Variants in PCED1B observed in about 807,000 individuals in gnomAD.
PCED1B encodes PC-esterase domain containing 1B.
For synonymous variants in PCED1B, 251 were observed against 246.1 expected (o/e 1.02, Z -0.19); for missense variants, 573 against 573.9 (o/e 1.00, Z 0.02).
chr12:47,188,561 C>T (rs138122610), intron 2 of PCED1B, among the ~76,000 whole-genome samples: 4 of 152,282 alleles, frequency 2.6e-5, no homozygotes, highest in African/African-American at 9.6e-5. Flanking sequence ...AGTTTCAGGA[C>T]GATACTGCTT....
chr12:47,231,243 G>A (rs1010648380), intron 3 of PCED1B, among the ~76,000 whole-genome samples: 1 of 152,138 alleles, frequency 6.6e-6, no homozygotes, highest in Non-Finnish European at 1.5e-5. Context: ...TGTACATGGG[G>A]ACCCTCATAA....
At chr12:47,082,296 G>A (rs1937770352) in intron 1 of PCED1B, among the ~76,000 whole-genome samples, 1 of 152,116 alleles carries the variant, frequency 6.6e-6, no homozygotes, top group South Asian at 2.1e-4. Context: ...TGATGAACAG[G>A]GAACCTATTC....
At chr12:47,079,884 G>T (rs1442756778) in intron 1 of PCED1B, 159 bp downstream of exon 1, 1 of 150,774 alleles carries the variant, frequency 6.6e-6, no homozygotes, top group Non-Finnish European at 1.5e-5. Context: ...CGCGCGCCCG[G>T]GGCCGGGAGA....
At chr12:47,175,327 C>T (rs1031679620) in intron 2 of PCED1B, among the ~76,000 whole-genome samples, 2 of 152,252 alleles carry the variant, frequency 1.3e-5, no homozygotes, top group Admixed American at 6.5e-5. Context: ...CTTTTGGACT[C>T]ATGTTAATTT....
At chr12:47,222,120 A>ATT (rs1565611229) in intron 3 of PCED1B, among the ~76,000 whole-genome samples, 23 of 93,224 alleles carry the variant, frequency 2.5e-4, no homozygotes, top group Non-Finnish European at 3.6e-4. Context: ...AAAAATTAAA[A>ATT]AAAAAAAAAA....
intron 2 of PCED1B, among the ~76,000 whole-genome samples, chr12:47,158,844 G>A (rs963205905): frequency 2.6e-5 from 4 of 152,100 alleles, no homozygotes; most frequent in African/African-American, 4.8e-5. Context: ...ACCCTACTCT[G>A]CTATTGAACA....
intron 2 of PCED1B, among the ~76,000 whole-genome samples, chr12:47,122,703 A>G (rs1322047287): frequency 6.6e-6 from 1 of 152,192 alleles, no homozygotes; most frequent in Non-Finnish European, 1.5e-5. Flanking sequence ...AATCTGGAAA[A>G]TAAGAATTTG....
intron 2 of PCED1B, among the ~76,000 whole-genome samples, chr12:47,113,383 A>G (rs865806658): frequency 7.9e-5 from 12 of 152,188 alleles, no homozygotes; most frequent in Admixed American, 5.2e-4. Context: ...ATTTAGTTCA[A>G]TCTTCACAAC....
chr12:47,197,559 G>A (rs1364406038), intron 2 of PCED1B, among the ~76,000 whole-genome samples: 1 of 151,752 alleles, frequency 6.6e-6, no homozygotes, highest in East Asian at 1.9e-4. Context: ...AGTGAGTCCA[G>A]ATCGCGCCAT....
At chr12:47,174,774 G>A (rs1045402345) in intron 2 of PCED1B, among the ~76,000 whole-genome samples, 1 of 152,208 alleles carries the variant, frequency 6.6e-6, no homozygotes, top group Non-Finnish European at 1.5e-5. Context: ...TAGAGGTTAA[G>A]TGCATAACTC....
chr12:47,178,103 T>A (rs1405272626), intron 2 of PCED1B, among the ~76,000 whole-genome samples: 1 of 152,162 alleles, frequency 6.6e-6, no homozygotes, highest in Non-Finnish European at 1.5e-5. Flanking sequence ...AGGGCCCACA[T>A]GACCAAGAGT....
In PCED1B at chr12:47,184,613, C is replaced by A. The variant is rs188750425; in HGVS notation, c.-525-31609C>A. The stretch of plus-strand genomic sequence containing the variant: ...TTTCTGAAATCTTTTTTCTTCCCTT[C>A]CTTCCTTCCTTTTTCCCTTCCCTTT... On this transcript the variant is annotated intron_variant, in intron 2 of 3. Coordinates refer to ENST00000546455, the MANE Select transcript of PCED1B (RefSeq NM_138371.3). Among the ~76,000 whole-genome samples, 7 of 151,470 alleles carry A rather than the reference C, an allele frequency of 4.6e-5. 1 individual carries two copies. Among genetic ancestry groups the A allele is most frequent in the African/African-American group, 1.7e-4 (7 of 41,338 alleles).
At chr12:47,186,505 C>A (rs1942274071) in intron 2 of PCED1B, among the ~76,000 whole-genome samples, 1 of 151,980 alleles carries the variant, frequency 6.6e-6, no homozygotes, top group African/African-American at 2.4e-5. Context: ...ACAAGGGGAG[C>A]TTATGTTCTG....
At chr12:47,136,438 G>T (rs900864298) in intron 2 of PCED1B, among the ~76,000 whole-genome samples, 5 of 152,176 alleles carry the variant, frequency 3.3e-5, no homozygotes, top group Non-Finnish European at 7.3e-5. Context: ...AAGCCAAATT[G>T]TCACCTACTT....
At chr12:47,173,380 A>G (rs767832128) in intron 2 of PCED1B, among the ~76,000 whole-genome samples, 3 of 152,086 alleles carry the variant, frequency 2.0e-5, no homozygotes, top group Non-Finnish European at 4.4e-5. Flanking sequence ...CAGCCTCTCG[A>G]GTAGCTGGGA....
At chr12:47,212,672 G>T (rs980665325) in intron 2 of PCED1B, among the ~76,000 whole-genome samples, 2 of 152,156 alleles carry the variant, frequency 1.3e-5, no homozygotes, top group Non-Finnish European at 2.9e-5. Context: ...CAGTATTTAC[G>T]TTTTTTTCCA....
Position 47,159,869 on chromosome 12 carries a change from G to T in PCED1B, c.-526+55674G>T, listed in dbSNP as rs968414738. ...TTTCTTCTAGTAGTTTTATAGTTTC[G>T]GATCTTATGTTTAAGTCTATAATCC... On this transcript the variant is annotated intron_variant, in intron 2 of 3. Coordinates refer to ENST00000546455, the MANE Select transcript of PCED1B (RefSeq NM_138371.3). Among the ~76,000 whole-genome samples, 3 of 152,010 alleles carry T rather than the reference G, an allele frequency of 2.0e-5. No homozygotes were observed. The East Asian group carries it at 5.8e-4, about 29-fold the overall frequency.
chr12:47,132,465 C>T (rs533950554), intron 2 of PCED1B, among the ~76,000 whole-genome samples: 4 of 152,248 alleles, frequency 2.6e-5, no homozygotes, highest in South Asian at 2.1e-4. Flanking sequence ...AAACGGCTTG[C>T]ACTTGGGTTT....
intron 2 of PCED1B, among the ~76,000 whole-genome samples, chr12:47,185,479 T>G (rs149347261): frequency 1.3e-5 from 2 of 152,220 alleles, no homozygotes; most frequent in African/African-American, 4.8e-5. Flanking sequence ...GTTCTCCAGC[T>G]AGGGAAAATT....
Sources: gnomAD v4.1 joint callset for allele counts (sites outside exome capture counted in the v4.1 genomes callset) on GRCh38, gnomAD v4.1.1 for gene constraint, MANE v1.5 for transcripts, NCBI Gene and HGNC (gene_info 2026-07-23, HGNC 2026-07-21) for gene names.